RYR2: variants seen among roughly 807,000 people sequenced by gnomAD.
RYR2 encodes cardiac muscle ryanodine receptor-calcium release channel.
A neutral mutation model predicts 601.1 loss-of-function variants in RYR2; 227 were observed. The observed-to-expected ratio is 0.38, with a 90% CI of 0.34 to 0.42. RYR2 has a LOEUF of 0.42. Ranked by LOEUF, RYR2 falls within the 10% of genes least tolerant of loss-of-function variation. The pLI is 1.00. For missense variants in RYR2, 4,646 were observed against 6,156.5 expected, an observed-to-expected ratio of 0.75 and a Z score of 8.21; for synonymous variants, 2,223 against 2,175.1, an observed-to-expected ratio of 1.02 and a Z score of -0.61.
chr1:237,509,504 T>C (rs531539112), intron 23 of RYR2, among the ~76,000 whole-genome samples: 25 of 152,224 alleles, frequency 1.6e-4, no homozygotes, highest in Non-Finnish European at 2.8e-4. Context: ...TACTTTGGGA[T>C]ATATTTCCCA....
At chr1:237,395,332 G>A (rs1415970262) in intron 10 of RYR2, among the ~76,000 whole-genome samples, 1 of 152,072 alleles carries the variant, frequency 6.6e-6, no homozygotes, top group East Asian at 1.9e-4. Flanking sequence ...CCTATAAAAA[G>A]TTAACAAAAA....
intron 1 of RYR2, among the ~76,000 whole-genome samples, chr1:237,166,136 G>A (rs1676693808): frequency 6.6e-6 from 1 of 152,198 alleles, no homozygotes; most frequent in Non-Finnish European, 1.5e-5. Context: ...TTATCTACGT[G>A]TGTGTTTCTG....
chr1:237,336,648 G>C (rs1697259449), intron 3 of RYR2, among the ~76,000 whole-genome samples: 1 of 151,766 alleles, frequency 6.6e-6, no homozygotes, highest in African/African-American at 2.4e-5. Context: ...TTGAGGTCAG[G>C]AGTTTGAGAC....
chr1:237,613,222 G>GT (rs2148588263), intron 36 of RYR2, among the ~76,000 whole-genome samples: 1 of 152,270 alleles, frequency 6.6e-6, no homozygotes, highest in South Asian at 2.1e-4. Context: ...TGTGTACTTT[G>GT]TTTCTCCTTA....
chr1:237,112,074 T>C (rs949774871), intron 1 of RYR2, among the ~76,000 whole-genome samples: 1 of 152,054 alleles, frequency 6.6e-6, no homozygotes, highest in Non-Finnish European at 1.5e-5. Context: ...AGTAGGTAAG[T>C]TCCCCCTCCA....
At chr1:237,248,742 A>G (rs1407233306) in intron 1 of RYR2, among the ~76,000 whole-genome samples, 2 of 150,356 alleles carry the variant, frequency 1.3e-5, no homozygotes, top group African/African-American at 4.9e-5. Flanking sequence ...AGATGACTAG[A>G]CATTGAATGA....
At chr1:237,547,074 C>G (rs1669904463) in intron 25 of RYR2, among the ~76,000 whole-genome samples, 1 of 150,636 alleles carries the variant, frequency 6.6e-6, no homozygotes, top group African/African-American at 2.4e-5. Context: ...GGCGTGATCT[C>G]TCCTCACTGC....
At chr1:237,436,357 C>T (rs1454858441) in intron 12 of RYR2, among the ~76,000 whole-genome samples, 2 of 151,532 alleles carry the variant, frequency 1.3e-5, no homozygotes, top group African/African-American at 4.9e-5. Flanking sequence ...CCTCATAGAC[C>T]CCTTCAGCAT....
At chr1:237,579,851 C>T (rs954958378) in intron 29 of RYR2, among the ~76,000 whole-genome samples, 7 of 151,938 alleles carry the variant, frequency 4.6e-5, no homozygotes, top group East Asian at 1.9e-4. Flanking sequence ...TATATCATAC[C>T]GAATATGTAC....
At chr1:237,670,309 TGGAGAGGGAGAG>T (rs961889025) in intron 58 of RYR2, among the ~76,000 whole-genome samples, 17 of 84,420 alleles carry the variant, frequency 2.0e-4, no homozygotes, top group East Asian at 1.0e-3. Context: ...AGAGGGAGAC[TGGAGAGGGAGAG>T]GGAGAGGGAG....
chr1:237,230,558 T>C (rs936293025), intron 1 of RYR2, among the ~76,000 whole-genome samples: 1 of 152,226 alleles, frequency 6.6e-6, no homozygotes, highest in Admixed American at 6.6e-5. Context: ...AAATGCAGAC[T>C]TAGCCCTTCC....
chr1:237,795,379 A>ATTTT (rs770378168), intron 96 of RYR2, 48 bp downstream of exon 96: 2 of 952,720 alleles, frequency 2.1e-6, no homozygotes, highest in South Asian at 3.2e-5. Context: ...CACAGTTTAG[A>ATTTT]TTTTTATTTG....
chr1:237,087,774 G>C (rs1666515778), intron 1 of RYR2, among the ~76,000 whole-genome samples: 1 of 152,022 alleles, frequency 6.6e-6, no homozygotes, highest in African/African-American at 2.4e-5. Flanking sequence ...TCCACAGTGG[G>C]GCTTGGATGT....
At chr1:237,214,790 G>A (rs1440610829) in intron 1 of RYR2, among the ~76,000 whole-genome samples, 1 of 152,108 alleles carries the variant, frequency 6.6e-6, no homozygotes, top group East Asian at 1.9e-4. Context: ...TTTCATGAAT[G>A]TATTCTTCCT....
chr1:237,776,326 A>T (rs1394535688), intron 87 of RYR2, among the ~76,000 whole-genome samples: 2 of 152,192 alleles, frequency 1.3e-5, no homozygotes, highest in Non-Finnish European at 2.9e-5. Context: ...ACATTAAATG[A>T]GCTGGATTTA....
At position 237,572,934 on chromosome 1, in the gene RYR2, T is replaced by G. The variant is rs547513585; in HGVS notation, c.3598+3615T>G. Among the ~76,000 whole-genome samples the G allele has an allele frequency of 7.9e-5, 12 of 152,274 alleles. No individual in the cohort carries two copies. In the East Asian group the frequency reaches 2.3e-3, roughly 29 times the overall value. On this transcript the variant is annotated intron_variant, in intron 29 of 104. Transcript: ENST00000366574. ...TACCTGTCACTACTGGGAGCTAGCA[T>G]TGAGGTAGCTAGAGCTCAAAGGATC...
intron 1 of RYR2, among the ~76,000 whole-genome samples, chr1:237,136,210 C>T (rs767202287): frequency 9.2e-5 from 14 of 152,196 alleles, no homozygotes; most frequent in Non-Finnish European, 8.8e-5. Context: ...TGCTCTGCTA[C>T]CTGCCCAGGA....
At chr1:237,266,915 G>A (rs1038474163) in intron 1 of RYR2, among the ~76,000 whole-genome samples, 5 of 152,056 alleles carry the variant, frequency 3.3e-5, no homozygotes, top group Non-Finnish European at 5.9e-5. Flanking sequence ...TCTCCTTGGT[G>A]GTATAGTGGA....
chr1:237,116,400 C>T (rs1483260562), intron 1 of RYR2, among the ~76,000 whole-genome samples: 1 of 152,102 alleles, frequency 6.6e-6, no homozygotes, highest in Non-Finnish European at 1.5e-5. Flanking sequence ...AGGATGTTCT[C>T]GTCTCATGCA....
Sources: allele counts gnomAD v4.1 joint callset (sites outside exome capture counted in the v4.1 genomes callset), GRCh38; gene constraint gnomAD v4.1.1; transcripts MANE v1.5; gene names NCBI Gene and HGNC (gene_info 2026-07-23, HGNC 2026-07-21).